GP1BA: variants seen among roughly 807,000 people sequenced by gnomAD.
The protein encoded by GP1BA is glycoprotein Ib platelet subunit alpha, also known as platelet glycoprotein Ib alpha chain.
A neutral mutation model predicts 5.6 loss-of-function variants in GP1BA; 3 were observed. The observed-to-expected ratio is 0.53, with a 90% CI of 0.24 to 1.38. The LOEUF is 1.38. Ranked by LOEUF, GP1BA falls within the 40% of genes most tolerant of loss-of-function variation. The probability of loss-of-function intolerance (pLI) is 0.16; values close to 1 mark genes in which losing one functional copy is unlikely to be tolerated. For missense variants in GP1BA, 707 were observed against 801.4 expected (o/e 0.88, Z 1.42); for synonymous variants, 323 against 358.3 (o/e 0.90, Z 1.11).
chr17:4,934,609 C>G lies in GP1BA; in HGVS notation c.*46C>G. The G allele has an allele frequency of 6.3e-7, 1 of 1,590,044 alleles. No homozygotes were observed. Among genetic ancestry groups the G allele is most frequent in the Admixed American group, 1.8e-5 (1 of 56,338 alleles). ...TTGAGAGAAGAGCCTGTGGGCTCTC[C>G]TATTGGAATCTAGTTGGGGGTTGGA... On this transcript the variant is annotated 3_prime_UTR_variant, in exon 2 of 2. Coordinates refer to ENST00000329125, the MANE Select transcript of GP1BA (RefSeq NM_000173.7).
At position 4,932,760 on chromosome 17, in the gene GP1BA, C is replaced by T. The variant is rs1224849359; in HGVS notation, c.156C>T (p.Leu52=). 1 of 1,614,024 alleles carries T rather than the reference C, an allele frequency of 6.2e-7. No homozygotes were observed. The highest frequency in any genetic ancestry group is 8.5e-7 in the Non-Finnish European group (1 of 1,179,894). Residue 52 remains leucine, a synonymous_variant, in exon 2 of 2, where the codon CTC becomes CTT. Coordinates refer to ENST00000329125, the MANE Select transcript of GP1BA (RefSeq NM_000173.7). The surrounding 1 kb of genome is among the most constrained non-coding windows in gnomAD (Gnocchi z 4.8). ...ACCTGCCGAAAGACACAACCATCCT[C>T]CACCTGAGTGAGAACCTCCTGTACA... The part of the protein sequence containing the change: ...PPDLPKDTTI[L]HLSENLLYTF...
In GP1BA at chr17:4,934,456, CGT is replaced by C. The variant is rs750410234; in HGVS notation, c.1856_1857del (p.Val619GlyfsTer27). ...SLFLWVRPNG[R>X]VGPLVAGRRP... ...CTTCCTGTGGGTACGGCCTAATGGC[CGT>C]GTGGGGCCTCTAGTGGCAGGAAGGA... On this transcript the variant is annotated frameshift_variant, in exon 2 of 2. Transcript: ENST00000329125. LOFTEE classifies it high-confidence loss of function. The C allele has an allele frequency of 2.5e-6, 4 of 1,614,020 alleles. No individual in the cohort carries two copies. The East Asian group carries it at 6.7e-5, about 27-fold the overall frequency.
Position 4,932,519 on chromosome 17 carries a change from G to A in GP1BA, c.-6-80G>A. The A allele has an allele frequency of 7.2e-7, 1 of 1,397,094 alleles. No individual in the cohort carries two copies. The highest frequency in any genetic ancestry group is 1.4e-5 in the South Asian group (1 of 70,202). The allele number at this position is 1,397,094 out of a possible 1,614,324, so 86.5% of individuals were successfully genotyped here. A position where few individuals can be genotyped will look rare whatever the true frequency, so the allele number is the denominator to read the frequency against. ...GGATGCTGTTTCTGGAAGCGAAGCT[G>A]CAGGGGGAAGGGGGCTGGGGCCTGG... On this transcript the variant is annotated intron_variant, in intron 1 of 1. Transcript: ENST00000329125. The surrounding 1 kb of genome is among the most constrained non-coding windows in gnomAD (Gnocchi z 4.8).
At position 4,932,770 on chromosome 17, in the gene GP1BA, G is replaced by A. The variant is rs1970360457; in HGVS notation, c.166G>A (p.Glu56Lys). Residue 56 changes from glutamate (E) to lysine (K), a missense_variant, in exon 2 of 2, where the codon GAG (glutamate) becomes AAG (lysine). Transcript: ENST00000329125. This position sits in a 1 kb window ranked among gnomAD's most constrained non-coding sequence, Gnocchi z 4.8. ...AGACACAACCATCCTCCACCTGAGTGAGAACCTCCTGTACACCTTCTCCCT... is the reference window on the plus strand; with the variant it reads ...AGACACAACCATCCTCCACCTGAGTAAGAACCTCCTGTACACCTTCTCCCT... ...PKDTTILHLS[E>K]NLLYTFSLAT... is the part of the protein sequence containing the mutation. 6.2e-7 allele frequency: 1 copy of A among 1,613,984 alleles called. No homozygotes were observed. Among genetic ancestry groups the A allele is most frequent in the Non-Finnish European group, 8.5e-7 (1 of 1,179,878 alleles).
In GP1BA at chr17:4,933,271, T is replaced by G. The variant is rs753947399; in HGVS notation, c.667T>G (p.Trp223Gly). ...TTTTGCTTTTCTCCACGGGAACCCCTGGTTATGCAACTGTGAGATCCTCTA... is the reference window on the plus strand; with the variant it reads ...TTTTGCTTTTCTCCACGGGAACCCCGGGTTATGCAACTGTGAGATCCTCTA... ...LPFAFLHGNP[W>G]LCNCEILYFR... The change falls in exon 2 of 2, where the codon TGG becomes GGG. Residue 223 changes from tryptophan to glycine, a missense_variant. Coordinates refer to ENST00000329125, the MANE Select transcript of GP1BA (RefSeq NM_000173.7). 2.5e-6 allele frequency: 4 copies of G among 1,614,052 alleles called. No individual in the cohort carries two copies. The highest frequency in any genetic ancestry group is 3.4e-6 in the Non-Finnish European group (4 of 1,179,888).
chr17:4,932,716 C>G lies in GP1BA; in HGVS notation c.112C>G (p.Leu38Val), dbSNP rs774841072. 1 of 1,614,012 alleles carries G rather than the reference C, an allele frequency of 6.2e-7. No individual in the cohort carries two copies. Among genetic ancestry groups the G allele is most frequent in the South Asian group, 1.1e-5 (1 of 91,088 alleles). ...HLEVNCDKRN[L>V]TALPPDLPKD... Reference sequence around the variant, plus strand: ...AGAAGTGAACTGTGACAAGAGGAATCTGACAGCGCTGCCTCCAGACCTGCC... The same window carrying G: ...AGAAGTGAACTGTGACAAGAGGAATGTGACAGCGCTGCCTCCAGACCTGCC... Residue 38 changes from leucine (L) to valine (V), a missense_variant, in exon 2 of 2, where the codon CTG becomes GTG. By Grantham distance (32) the Leu-to-Val change is conservative. Around this residue, in one of 3 missense-constraint regions of GP1BA, gnomAD observed 442 missense variants for 498.8 expected, o/e 0.89. Transcript: ENST00000329125. The surrounding 1 kb of genome is among the most constrained non-coding windows in gnomAD (Gnocchi z 4.8).
At position 4,934,637 on chromosome 17, in the gene GP1BA, G is replaced by C; in HGVS notation, c.*74G>C. 6.7e-7 allele frequency: 1 copy of C among 1,482,220 alleles called. No individual in the cohort carries two copies. The highest frequency in any genetic ancestry group is 2.4e-5 in the East Asian group (1 of 41,440). The allele number at this position is 1,482,220 out of a possible 1,614,324, so 91.8% of individuals were successfully genotyped here. ...TTGGAATCTAGTTGGGGGTTGGAGG[G>C]GTAAGGAACACAGGGTGATAGGGAG... is the stretch of plus-strand genomic sequence containing the variant. On this transcript the variant is annotated 3_prime_UTR_variant, in exon 2 of 2. Coordinates refer to ENST00000329125, the MANE Select transcript of GP1BA (RefSeq NM_000173.7).
chr17:4,932,308 G>A lies in GP1BA; in HGVS notation c.-64G>A, dbSNP rs911710381. Reference sequence around the variant, plus strand: ...CCATGGGGCTAGAAGAGAGAAGGACGGAGTCGAGTGGCACCCTAGAAGACG... The same window carrying A: ...CCATGGGGCTAGAAGAGAGAAGGACAGAGTCGAGTGGCACCCTAGAAGACG... On this transcript the variant is annotated 5_prime_UTR_variant, in exon 1 of 2. Transcript: ENST00000329125. This position sits in a 1 kb window ranked among gnomAD's most constrained non-coding sequence, Gnocchi z 4.8. 1.4e-5 allele frequency: 18 copies of A among 1,256,184 alleles called. No homozygotes were observed. Among genetic ancestry groups the A allele is most frequent in the Middle Eastern group, 3.2e-4 (1 of 3,108 alleles). The allele number at this position is 1,256,184 out of a possible 1,614,324, so 77.8% of individuals were successfully genotyped here.
Position 4,932,929 on chromosome 17 carries a change from CCCTTG to C in GP1BA, c.327_331del (p.Leu110ArgfsTer40). ...ATCCCACAATCAGCTGCAAAGCCTGCCCTTGCTAGGGCAGACACTGCCTGCTCTCA... is the reference window on the plus strand; with the variant it reads ...ATCCCACAATCAGCTGCAAAGCCTGCCTAGGGCAGACACTGCCTGCTCTCA... On this transcript the variant is annotated frameshift_variant, in exon 2 of 2. Transcript: ENST00000329125. LOFTEE classifies it low-confidence loss of function (END_TRUNC). This position sits in a 1 kb window ranked among gnomAD's most constrained non-coding sequence, Gnocchi z 4.8. The C allele has an allele frequency of 6.2e-7, 1 of 1,613,984 alleles. No homozygotes were observed.
chr17:4,932,796 G>A lies in GP1BA; in HGVS notation c.192G>A (p.Leu64=), dbSNP rs748862472. ...AGAACCTCCTGTACACCTTCTCCCT[G>A]GCAACCCTGATGCCTTACACTCGCC... The part of the protein sequence containing the change: ...LSENLLYTFS[L]ATLMPYTRLT... The change falls in exon 2 of 2, where the codon CTG becomes CTA. Residue 64 remains leucine, a synonymous_variant. Transcript: ENST00000329125. This position sits in a 1 kb window ranked among gnomAD's most constrained non-coding sequence, Gnocchi z 4.8. 2.5e-6 allele frequency: 4 copies of A among 1,613,950 alleles called. No individual in the cohort carries two copies. In the South Asian group the frequency reaches 3.3e-5, roughly 13 times the overall value.
Position 4,932,878 on chromosome 17 carries a change from C to A in GP1BA, c.274C>A (p.Leu92Met), listed in dbSNP as rs1385247280. The A allele has an allele frequency of 6.2e-7, 1 of 1,614,018 alleles. No individual in the cohort carries two copies. The highest frequency in any genetic ancestry group is 1.1e-5 in the South Asian group (1 of 91,088). Residue 92 changes from leucine (L) to methionine (M), a missense_variant, in exon 2 of 2, where the codon CTG (leucine) becomes ATG (methionine). Around this residue, in one of 3 missense-constraint regions of GP1BA, gnomAD observed 442 missense variants for 498.8 expected, o/e 0.89. Coordinates refer to ENST00000329125, the MANE Select transcript of GP1BA (RefSeq NM_000173.7). The surrounding 1 kb of genome is among the most constrained non-coding windows in gnomAD (Gnocchi z 4.8). ...ELTKLQVDGTLPVLGTLDLSH... is the reference protein window; with the variant it reads ...ELTKLQVDGTMPVLGTLDLSH... ...CACCAAGCTCCAGGTCGATGGGACG[C>A]TGCCAGTGCTGGGGACCCTGGATCT...
chr17:4,933,573 G>A lies in GP1BA; in HGVS notation c.969G>A (p.Trp323Ter), dbSNP rs1468144924. The A allele has an allele frequency of 1.1e-5, 17 of 1,613,680 alleles. No individual in the cohort carries two copies. Among genetic ancestry groups the A allele is most frequent in the Non-Finnish European group, 1.4e-5 (17 of 1,179,850 alleles). The change falls in exon 2 of 2, where the codon TGG (tryptophan) becomes TGA (stop). Residue 323 changes from tryptophan (W) to a stop codon, truncating the protein, a stop_gained. Transcript: ENST00000329125. LOFTEE classifies it low-confidence loss of function (END_TRUNC). ...CCACCAAAGCCCATACAACCCCCTG[G>A]GGTCTATTCTACTCATGGTCCACTG... is the stretch of plus-strand genomic sequence containing the variant. ...KFPTKAHTTP[W>*]GLFYSWSTAS...
Position 4,933,536 on chromosome 17 carries a change from T to C in GP1BA, c.932T>C (p.Val311Ala), listed in dbSNP as rs1481032156. The C allele has an allele frequency of 6.2e-7, 1 of 1,613,772 alleles. No individual in the cohort carries two copies. Among genetic ancestry groups the C allele is most frequent in the East Asian group, 2.2e-5 (1 of 44,892 alleles). The change falls in exon 2 of 2, where the codon GTG (valine) becomes GCG (alanine). Residue 311 changes from valine to alanine, a missense_variant. This residue lies in a region of GP1BA where 442 missense variants were observed against 498.8 expected (regional missense o/e 0.89). Transcript: ENST00000329125. ...EGDKVRATRTVVKFPTKAHTT... is the reference protein window; with the variant it reads ...EGDKVRATRTAVKFPTKAHTT... ...GATAAGGTGCGTGCCACAAGGACTG[T>C]GGTCAAGTTCCCCACCAAAGCCCAT... is the stretch of plus-strand genomic sequence containing the variant.
rs570515282 is a variant in GP1BA at position 4,934,365 on chromosome 17, A to C, written c.1761A>C (p.Gln587His). Residue 587 changes from glutamine to histidine, a missense_variant, in exon 2 of 2, where the codon CAA (glutamine) becomes CAC (histidine). Physicochemically the swap from Gln to His is conservative, Grantham distance 24. Transcript: ENST00000329125. ...ACCTGGAGCTGCAGAGGGGACGGCAAGTGACAGTGCCCCGGGCCTGGCTGC... is the reference window on the plus strand; with the variant it reads ...ACCTGGAGCTGCAGAGGGGACGGCACGTGACAGTGCCCCGGGCCTGGCTGC... ...TTHLELQRGR[Q>H]VTVPRAWLLF... 1.9e-4 allele frequency: 299 copies of C among 1,614,034 alleles called. 6 individuals are homozygous for C. In the East Asian group the frequency reaches 3.3e-3, roughly 18 times the overall value.
In GP1BA at chr17:4,933,058, C is replaced by T; in HGVS notation, c.454C>T (p.Leu152=). ...LQELYLKGNE[L]KTLPPGLLTP... is the part of the protein sequence containing the mutation. ...AGAGCTCTACCTGAAAGGCAATGAGCTGAAGACCCTGCCCCCAGGGCTCCT... is the reference window on the plus strand; with the variant it reads ...AGAGCTCTACCTGAAAGGCAATGAGTTGAAGACCCTGCCCCCAGGGCTCCT... Residue 152 remains leucine, a synonymous_variant, in exon 2 of 2, where the codon CTG becomes TTG. Transcript: ENST00000329125. 6.2e-7 allele frequency: 1 copy of T among 1,614,054 alleles called. No individual in the cohort carries two copies. The highest frequency in any genetic ancestry group is 8.5e-7 in the Non-Finnish European group (1 of 1,179,896).
chr17:4,933,717 A>G lies in GP1BA; in HGVS notation c.1113A>G (p.Thr371=), dbSNP rs767242133. The G allele has an allele frequency of 1.2e-6, 2 of 1,613,890 alleles. No individual in the cohort carries two copies. Among genetic ancestry groups the G allele is most frequent in the Non-Finnish European group, 1.7e-6 (2 of 1,179,864 alleles). Reference sequence around the variant, plus strand: ...TCACACTTCACATGGAATCCATCACATTCTCCAAAACTCCAAAATCCACTA... The same window carrying G: ...TCACACTTCACATGGAATCCATCACGTTCTCCAAAACTCCAAAATCCACTA... ...PNFTLHMESI[T]FSKTPKSTTE... Residue 371 remains threonine (T), a synonymous_variant, in exon 2 of 2, where the codon ACA becomes ACG. Coordinates refer to ENST00000329125, the MANE Select transcript of GP1BA (RefSeq NM_000173.7).
rs1426523811 is a variant in GP1BA, at chr17:4,934,014, C to G, written c.1410C>G (p.Ser470Arg). The G allele has an allele frequency of 8.1e-6, 13 of 1,612,522 alleles. No individual in the cohort carries two copies. The highest frequency in any genetic ancestry group is 1.3e-5 in the African/African-American group (1 of 74,630). ...CGACCATCCTGGTGTCTGCCACAAG[C>G]CTGATCACTCCAAAAAGCACATTTT... Reference protein sequence around the residue: ...TSPTILVSATSLITPKSTFLT... With the variant: ...TSPTILVSATRLITPKSTFLT... Residue 470 changes from serine to arginine, a missense_variant, in exon 2 of 2, where the codon AGC becomes AGG. By Grantham distance (110) the Ser-to-Arg change is moderately radical. Around this residue, in one of 3 missense-constraint regions of GP1BA, gnomAD observed 247 missense variants for 246.6 expected, o/e 1.00. Transcript: ENST00000329125.
At position 4,932,557 on chromosome 17, in the gene GP1BA, A is replaced by T. The variant is rs81663; in HGVS notation, c.-6-42A>T. 0.34 allele frequency: 527,412 copies of T among 1,536,438 alleles called. 95,223 individuals are homozygous for T. Among genetic ancestry groups the T allele is most frequent in the Non-Finnish European group, 0.38 (433,269 of 1,126,092 alleles). On this transcript the variant is annotated intron_variant, in intron 1 of 1. Transcript: ENST00000329125. This position sits in a 1 kb window ranked among gnomAD's most constrained non-coding sequence, Gnocchi z 4.8. ...GGCTGGGGCCTGGGGGGATGCTTCC[A>T]GGGGATGCAGGGGGATCCACTCAAG...
chr17:4,934,530 AG>A lies in GP1BA; in HGVS notation c.1927del (p.Val643Ter). On this transcript the variant is annotated frameshift_variant, in exon 2 of 2. Coordinates refer to ENST00000329125, the MANE Select transcript of GP1BA (RefSeq NM_000173.7). LOFTEE classifies it high-confidence loss of function. ...GTCGTGGTCAGGACCTGCTGAGCACAGTGAGCATTAGGTACTCTGGCCACAG... is the reference window on the plus strand; with the variant it reads ...GTCGTGGTCAGGACCTGCTGAGCACATGAGCATTAGGTACTCTGGCCACAG... ...QGRGQDLLST[V>X]SIRYSGHSL The A allele has an allele frequency of 6.2e-7, 1 of 1,614,032 alleles. No homozygotes were observed. The highest frequency in any genetic ancestry group is 8.5e-7 in the Non-Finnish European group (1 of 1,179,898).
Sources: gnomAD v4.1 joint callset for allele counts on GRCh38, gnomAD v4.1.1 for gene constraint, gnomAD v4.1.1 regional missense constraint, Gnocchi (gnomAD v3.1) non-coding constraint, MANE v1.5 for transcripts, NCBI Gene and HGNC (gene_info 2026-07-23, HGNC 2026-07-21) for gene names.